The following ZNF226 variants were observed in gnomAD, a reference collection of about 807,000 sequenced individuals.
The protein encoded by ZNF226 is zinc finger protein 226, also known as Kruppel-associated box protein.
ZNF226 carries 6 observed loss-of-function variants against 11.4 expected under a neutral mutation model. The observed-to-expected ratio is 0.53, with a 90% CI of 0.29 to 1.04. The LOEUF is 1.04. ZNF226 is among the 50% of genes least tolerant of loss of function. ZNF226 has a pLI of 0.08. For missense variants in ZNF226, 1,058 were observed against 956.5 expected, an observed-to-expected ratio of 1.11 and a Z score of -1.40; for synonymous variants, 350 against 322.8, an observed-to-expected ratio of 1.08 and a Z score of -0.90.
chr19:44,184,574 T>G, the ZNF226 span, among the ~76,000 whole-genome samples: 1 of 118,586 alleles, frequency 8.4e-6, no homozygotes, highest in African/African-American at 2.7e-5. Context: ...AGAGCGAGAC[T>G]CCATTAAAAA....
chr19:44,174,300 G>A (rs1217645565), intron 5 of ZNF226: 3 of 152,114 alleles, frequency 2.0e-5, no homozygotes, highest in Admixed American at 1.3e-4. Flanking sequence ...ATATTCATTC[G>A]GGGAGGGAAT....
chr19:44,176,499 C>T lies in ZNF226; in HGVS notation c.1237C>T (p.His413Tyr), dbSNP rs763778300. Residue 413 changes from histidine to tyrosine, a missense_variant, in exon 6 of 6, where the codon CAT (histidine) becomes TAT (tyrosine). Physicochemically the swap from His to Tyr is moderately conservative, Grantham distance 83. Coordinates refer to ENST00000337433, the MANE Select transcript of ZNF226 (RefSeq NM_001032373.2). ...NSHLQSHQRV[H>Y]TGEKPYKCEE... ...ACATCTTCAATCCCATCAAAGAGTT[C>T]ATACAGGAGAGAAACCATACAAATG... 1.4e-5 allele frequency: 23 copies of T among 1,613,884 alleles called. 1 individual carries two copies. The South Asian group carries it at 2.5e-4, about 18-fold the overall frequency.
intron 2 of ZNF226, among the ~76,000 whole-genome samples, chr19:44,166,032 C>T (rs1174958295): frequency 6.6e-6 from 1 of 152,186 alleles, no homozygotes; most frequent in Non-Finnish European, 1.5e-5. Context: ...TTGCTCATAG[C>T]CACCTAGCTA....
rs754984072 is a variant in ZNF226 at position 44,176,849 on chromosome 19, A to G, written c.1587A>G (p.Lys529=). ...ATCTAGTGGTCCACACAGGAGAGAA[A>G]CCCTATAAATGTGAGATATGTGGGA... ...QVHLVVHTGE[K]PYKCEICGKG... Residue 529 remains lysine (K), a synonymous_variant, in exon 6 of 6, where the codon AAA becomes AAG. Coordinates refer to ENST00000337433, the MANE Select transcript of ZNF226 (RefSeq NM_001032373.2). 6.2e-7 allele frequency: 1 copy of G among 1,614,076 alleles called. No homozygotes were observed. Among genetic ancestry groups the G allele is most frequent in the Non-Finnish European group, 8.5e-7 (1 of 1,180,010 alleles).
Position 44,177,110 on chromosome 19 carries a change from TTG to T in ZNF226, c.1851_1852del (p.Cys617Ter). 6.2e-7 allele frequency: 1 copy of T among 1,602,310 alleles called. No individual in the cohort carries two copies. Among genetic ancestry groups the T allele is most frequent in the Non-Finnish European group, 8.5e-7 (1 of 1,175,462 alleles). On this transcript the variant is annotated frameshift_variant, in exon 6 of 6. Coordinates refer to ENST00000337433, the MANE Select transcript of ZNF226 (RefSeq NM_001032373.2). LOFTEE classifies it low-confidence loss of function (END_TRUNC). ...TCCACACAGGAGAGAAACCATATAA[TTG>T]TGAGGAGTGTGGGAAGGTCTTCAGG... ...RIHTGEKPYNCEECGKVFRQA... is the reference protein window; with the variant it reads ...RIHTGEKPYNXEECGKVFRQA...
rs185904265 is a variant in ZNF226 at position 44,175,139 on chromosome 19, C to T, written c.236-359C>T. The T allele has an allele frequency of 1.2e-4, 184 of 1,525,910 alleles. 2 individuals carry two copies. The African/African-American group carries it at 1.9e-3, about 15-fold the overall frequency. The allele number at this position is 1,525,910 out of a possible 1,614,324, so 94.5% of individuals were successfully genotyped here. A position where few individuals can be genotyped will look rare whatever the true frequency, so the allele number is the denominator to read the frequency against. ...TCCTTGAGTGACTATGAATGACTGC[C>T]GGGCAGTAACTTCTGGGCTGTGGTT... On this transcript the variant is annotated intron_variant, in intron 5 of 5. Coordinates refer to ENST00000337433, the MANE Select transcript of ZNF226 (RefSeq NM_001032373.2).
At chr19:44,182,364 CACACACACAA>C (rs1970918650), downstream of ZNF226, among the ~76,000 whole-genome samples, 3 of 152,178 alleles carry the variant, frequency 2.0e-5, no homozygotes, top group East Asian at 5.8e-4. Context: ...CATACACACA[CACACACACAA>C]ACACACACAC....
intron 5 of ZNF226, 123 bp from the exon 6 acceptor site, chr19:44,175,375 G>A: frequency 7.0e-7 from 1 of 1,430,492 alleles, no homozygotes; most frequent in Non-Finnish European, 9.1e-7. Flanking sequence ...CTTCAAATGT[G>A]TCACAAAAGA....
chr19:44,190,802 C>G, the ZNF226 span, among the ~76,000 whole-genome samples: 10 of 152,228 alleles, frequency 6.6e-5, no homozygotes, highest in African/African-American at 2.2e-4. Flanking sequence ...CAGATTCATA[C>G]TGAATGTATG....
intron 2 of ZNF226, among the ~76,000 whole-genome samples, chr19:44,168,341 G>A (rs1218340710): frequency 2.0e-5 from 3 of 151,894 alleles, no homozygotes; most frequent in East Asian, 3.9e-4. Flanking sequence ...GCTAGAGATA[G>A]TGATGAAAAT....
intron 2 of ZNF226, among the ~76,000 whole-genome samples, chr19:44,168,283 CATACTT>C (rs1969645185): frequency 6.7e-6 from 1 of 150,184 alleles, no homozygotes. Context: ...ACAACTTTGT[CATACTT>C]ATATTTTGTT....
chr19:44,177,074 T>G lies in ZNF226; in HGVS notation c.1812T>G (p.Ile604Met), dbSNP rs370984107. 241 of 1,613,672 alleles carry G rather than the reference T, an allele frequency of 1.5e-4. No individual in the cohort carries two copies. The highest frequency in any genetic ancestry group is 2.0e-4 in the Non-Finnish European group (234 of 1,179,948). Residue 604 changes from isoleucine to methionine, a missense_variant, in exon 6 of 6, where the codon ATT (isoleucine) becomes ATG (methionine). Coordinates refer to ENST00000337433, the MANE Select transcript of ZNF226 (RefSeq NM_001032373.2). The part of the protein sequence containing the change: ...KGFSRRADLK[I>M]HCRIHTGEKP... ...TTAGTCGTAGAGCAGATCTTAAAAT[T>G]CACTGTAGGATCCACACAGGAGAGA... is the stretch of plus-strand genomic sequence containing the variant.
chr19:44,191,546 C>T, the ZNF226 span, among the ~76,000 whole-genome samples: 4 of 152,108 alleles, frequency 2.6e-5, no homozygotes, highest in Non-Finnish European at 5.9e-5. Flanking sequence ...ATGATACCTC[C>T]TTTAAGGTTC....
At chr19:44,181,225 T>G (rs183892786), downstream of ZNF226, among the ~76,000 whole-genome samples, 77 of 152,172 alleles carry the variant, frequency 5.1e-4, no homozygotes, top group African/African-American at 1.7e-3. Context: ...CAAAAAAAGT[T>G]TTAAAAGTTA....
rs1311228747 is a variant in ZNF226, at chr19:44,172,863, A to G, written c.146A>G (p.His49Arg). ...ENFRNLLSVG[H>R]PPFKQDVSPI... Reference sequence around the variant, plus strand: ...TTGTGATTTGGCATTTTCACAGGGCATCCACCCTTCAAACAAGATGTATCA... The same window carrying G: ...TTGTGATTTGGCATTTTCACAGGGCGTCCACCCTTCAAACAAGATGTATCA... The change falls in exon 5 of 6, where the codon CAT (histidine) becomes CGT (arginine). Residue 49 changes from histidine to arginine, a missense_variant. Transcript: ENST00000337433. 2 of 1,598,376 alleles carry G rather than the reference A, an allele frequency of 1.3e-6. No homozygotes were observed.
At chr19:44,199,001 C>T in the ZNF226 span, among the ~76,000 whole-genome samples, 4 of 151,656 alleles carry the variant, frequency 2.6e-5, 1 homozygote, top group South Asian at 4.2e-4. Context: ...CGGTGTTTCA[C>T]CATGTTGGCC....
chr19:44,186,235 A>G, the ZNF226 span, among the ~76,000 whole-genome samples: 3 of 152,166 alleles, frequency 2.0e-5, no homozygotes, highest in African/African-American at 7.2e-5. Context: ...CTATTTCTGA[A>G]AAAAAGTCAT....
the ZNF226 span, among the ~76,000 whole-genome samples, chr19:44,187,973 G>A: frequency 6.6e-6 from 1 of 151,992 alleles, no homozygotes; most frequent in Non-Finnish European, 1.5e-5. This position sits in a 1 kb window ranked among gnomAD's most constrained non-coding sequence, Gnocchi z 4.0. Context: ...TTTTATTCCA[G>A]TATAGTTAGA....
the ZNF226 span, among the ~76,000 whole-genome samples, chr19:44,194,713 T>G: frequency 1.3e-5 from 2 of 152,206 alleles, no homozygotes; most frequent in African/African-American, 4.8e-5. Context: ...TTTCTTTAAG[T>G]CAGTTAAATA....
Sources: allele counts gnomAD v4.1 joint callset (sites outside exome capture counted in the v4.1 genomes callset), GRCh38; gene constraint gnomAD v4.1.1; non-coding constraint Gnocchi (gnomAD v3.1); transcripts MANE v1.5; gene names NCBI Gene and HGNC (gene_info 2026-07-23, HGNC 2026-07-21).